NPIPB6: variants seen among roughly 807,000 people sequenced by gnomAD.
NPIPB6 encodes nuclear pore complex interacting protein family member B6.
NPIPB6 carries 2 observed loss-of-function variants against 20.0 expected under a neutral mutation model. The observed-to-expected ratio is 0.10, with a 90% CI of 0.04 to 0.31. NPIPB6 has a LOEUF of 0.31. NPIPB6 is among the 10% of genes least tolerant of loss of function. The pLI, the probability that NPIPB6 is intolerant of heterozygous loss-of-function variation, is 1.00. For missense variants in NPIPB6, 96 were observed against 293.7 expected, an observed-to-expected ratio of 0.33 and a Z score of 4.92; for synonymous variants, 35 against 116.3, an observed-to-expected ratio of 0.30 and a Z score of 4.50.
Position 28,348,283 on chromosome 16 carries a change from A to T in NPIPB6, c.599+551T>A, listed in dbSNP as rs1446224555. ...AGCGAGATTCTATCTCAAAATTTTA[A>T]AAAAAAAAAAAAAAGGCTGGGTGTG... On this transcript the variant is annotated intron_variant, in intron 4 of 6. Coordinates refer to ENST00000532254, the Ensembl canonical transcript of NPIPB6. 5.7e-5 allele frequency among the ~76,000 whole-genome samples: 6 copies of T among 105,920 alleles called. 1 individual carries two copies. The highest frequency in any genetic ancestry group is 1.1e-4 in the Admixed American group (1 of 9,108). 69.5% of individuals were successfully genotyped at this position (105,920 alleles called of 152,430 possible). A position where few individuals can be genotyped will look rare whatever the true frequency, so the allele number is the denominator to read the frequency against.
At chr16:28,359,142 A>G (rs2045372560) in intron 1 of NPIPB6, among the ~76,000 whole-genome samples, 1 of 140,882 alleles carries the variant, frequency 7.1e-6, no homozygotes, top group African/African-American at 2.8e-5. Context: ...TTGTAAAAGG[A>G]GAGACCAAGT....
At chr16:28,349,987 A>G in intron 2 of NPIPB6, among the ~76,000 whole-genome samples, 1 of 102,178 alleles carries the variant, frequency 9.8e-6, no homozygotes, top group African/African-American at 3.2e-5. Flanking sequence ...TCACAAGGTC[A>G]AGAGATGGAG....
intron 1 of NPIPB6, among the ~76,000 whole-genome samples, chr16:28,359,184 G>A (rs1350811685): frequency 5.3e-5 from 7 of 132,186 alleles, no homozygotes; most frequent in South Asian, 2.6e-4. Flanking sequence ...TAGACCAAAA[G>A]TGAATGGCAG....
intron 4 of NPIPB6, among the ~76,000 whole-genome samples, chr16:28,348,260 C>G (rs566086276): frequency 1.9e-5 from 2 of 106,718 alleles, no homozygotes; most frequent in South Asian, 2.7e-4. Flanking sequence ...GGCGACAGAG[C>G]GAGATTCTAT....
chr16:28,346,667 G>C, intron 4 of NPIPB6: 1 of 198,858 alleles, frequency 5.0e-6, no homozygotes, highest in South Asian at 1.5e-4. Context: ...AAAAGGGTAA[G>C]TTTGCTGTGT....
intron 1 of NPIPB6, among the ~76,000 whole-genome samples, chr16:28,360,854 GGGGCACA>G (rs2045415911): frequency 9.5e-6 from 1 of 104,980 alleles, no homozygotes; most frequent in African/African-American, 3.1e-5. Flanking sequence ...GAGGGCATGT[GGGGCACA>G]GGGCACAGGA....
exon 1 of NPIPB6, chr16:28,362,763 G>A (rs1158176495): frequency 6.3e-7 from 1 of 1,593,962 alleles, no homozygotes; most frequent in Non-Finnish European, 8.5e-7. Flanking sequence ...GCTCCTTGGT[G>A]AGCTGGCTCT....
chr16:28,348,197 C>T (rs1365332467), intron 4 of NPIPB6, among the ~76,000 whole-genome samples: 1 of 112,784 alleles, frequency 8.9e-6, no homozygotes, highest in African/African-American at 3.1e-5. Flanking sequence ...TTGCTTCAAA[C>T]TGGGAGGCAG....
chr16:28,361,739 T>C (rs2045440763), intron 1 of NPIPB6, among the ~76,000 whole-genome samples: 2 of 65,000 alleles, frequency 3.1e-5, no homozygotes, highest in Admixed American at 1.7e-4. Flanking sequence ...TATGTGTGTG[T>C]GTGTGTGTGT....
chr16:28,361,726 CTATA>C (rs1195912836), intron 1 of NPIPB6, among the ~76,000 whole-genome samples: 2,941 of 129,260 alleles, frequency 0.023, 5 homozygotes, highest in African/African-American at 0.083. Flanking sequence ...GTCTCTCTCT[CTATA>C]TGTGTGTGTG....
chr16:28,360,649 G>T (rs2045410580), intron 1 of NPIPB6, among the ~76,000 whole-genome samples: 2 of 140,384 alleles, frequency 1.4e-5, no homozygotes, highest in African/African-American at 4.9e-5. Flanking sequence ...AGTATTTCAG[G>T]TTCTCTCTTG....
rs1277661270 is a variant in NPIPB6 at position 28,363,033 on chromosome 16, TTC to T, written c.-213_-212del. Reference sequence around the variant, plus strand: ...TTTACCCCTTTTAACCTCAGTTTTCTTCTGTGTGAAACAGGAACAATAGTTTC... The same window carrying T: ...TTTACCCCTTTTAACCTCAGTTTTCTTGTGTGAAACAGGAACAATAGTTTC... On this transcript the variant is annotated 5_prime_UTR_variant, in exon 1 of 7. The change abolishes the stop of an existing upstream ORF in the 5' untranslated region. Transcript: ENST00000532254. The T allele has an allele frequency of 2.4e-6, 1 of 418,804 alleles. No individual in the cohort carries two copies. The highest frequency in any genetic ancestry group is 3.2e-5 in the African/African-American group (1 of 31,468). 25.9% of individuals were successfully genotyped at this position (418,804 alleles called of 1,614,324 possible).
At chr16:28,351,639 G>A (rs1191987247) in intron 2 of NPIPB6, among the ~76,000 whole-genome samples, 31 of 102,020 alleles carry the variant, frequency 3.0e-4, no homozygotes, top group Non-Finnish European at 5.4e-4. Context: ...AGGGAGACTC[G>A]TCTCGGGGGT....
chr16:28,360,534 T>G (rs1393965104), intron 1 of NPIPB6, among the ~76,000 whole-genome samples: 2 of 134,072 alleles, frequency 1.5e-5, no homozygotes, highest in East Asian at 4.1e-4. Flanking sequence ...CTGCGGTGAC[T>G]TAGTCCTCCT....
chr16:28,349,593 AC>A (rs1354224213), intron 2 of NPIPB6, among the ~76,000 whole-genome samples: 63 of 94,516 alleles, frequency 6.7e-4, no homozygotes, highest in East Asian at 1.3e-3. Context: ...ACACACACAC[AC>A]AAGAATGACA....
intron 1 of NPIPB6, among the ~76,000 whole-genome samples, chr16:28,358,017 CTG>C (rs1361804501): frequency 2.0e-5 from 3 of 147,806 alleles, no homozygotes; most frequent in Non-Finnish European, 4.5e-5. Flanking sequence ...TCCAAGGAAT[CTG>C]TGCATTTCAA....
intron 4 of NPIPB6, chr16:28,346,315 G>T: frequency 2.5e-6 from 2 of 810,530 alleles, no homozygotes; most frequent in Non-Finnish European, 2.9e-6. Flanking sequence ...CTCTTCCTGT[G>T]TGAGACCTGA....
At chr16:28,351,658 A>G (rs1164055513) in intron 2 of NPIPB6, among the ~76,000 whole-genome samples, 6 of 122,042 alleles carry the variant, frequency 4.9e-5, no homozygotes, top group East Asian at 2.5e-4. Context: ...GTGAGAAAAG[A>G]AAAAAAAAAA....
At chr16:28,356,755 G>A (rs1596579872) in intron 1 of NPIPB6, 1 of 25,734 alleles carries the variant, frequency 3.9e-5, no homozygotes, top group Non-Finnish European at 6.9e-5. Context: ...GGAAGGGGAG[G>A]GGGAGGGGAA....
Sources: allele counts gnomAD v4.1 joint callset (sites outside exome capture counted in the v4.1 genomes callset), GRCh38; gene constraint gnomAD v4.1.1; transcripts MANE v1.5; gene names NCBI Gene and HGNC (gene_info 2026-07-23, HGNC 2026-07-21).